ADGRA2: variants seen among roughly 807,000 people sequenced by gnomAD.
ADGRA2 encodes G-protein coupled receptor 124.
Under a neutral mutation model 98.7 loss-of-function variants are expected in ADGRA2, and 61 were observed. The ratio of observed to expected loss-of-function variants is 0.62; its 90% confidence interval spans 0.50 to 0.76. ADGRA2 has a LOEUF of 0.76. Ranked by LOEUF, ADGRA2 falls within the 30% of genes least tolerant of loss-of-function variation. The pLI, the probability that ADGRA2 is intolerant of heterozygous loss-of-function variation, is 0.00. For missense variants in ADGRA2, 1,712 were observed against 1,860.0 expected, an observed-to-expected ratio of 0.92 and a Z score of 1.46; for synonymous variants, 858 against 831.5, an observed-to-expected ratio of 1.03 and a Z score of -0.55.
rs372478146 is a variant in ADGRA2, at chr8:37,839,507, G to A, written c.2396G>A (p.Arg799His). The change falls in exon 16 of 19, where the codon CGT becomes CAT. Residue 799 changes from arginine (R) to histidine (H), a missense_variant. Arg to His is a conservative substitution (Grantham distance 29, BLOSUM62 0). Coordinates refer to ENST00000412232, the MANE Select transcript of ADGRA2 (RefSeq NM_032777.10). ...ITYILNHSSI[R>H]VSRKGWHMLL... ...AGACTGTTTCCGGGCAGCTCCATCC[G>A]TGTGTCCCGGAAAGGCTGGCACATG... The A allele has an allele frequency of 1.7e-5, 28 of 1,613,992 alleles. No homozygotes were observed. The highest frequency in any genetic ancestry group is 5.3e-5 in the African/African-American group (4 of 74,904).
chr8:37,834,350 G>A lies in ADGRA2; in HGVS notation c.1608+222G>A, dbSNP rs777963856. On this transcript the variant is annotated intron_variant, in intron 11 of 18. Transcript: ENST00000412232. The surrounding 1 kb of genome is among the most constrained non-coding windows in gnomAD (Gnocchi z 4.2). ...TCCGTGGTGGGGAACTGAGCCAAAG[G>A]GCCAGCCTGATGGGAATAAGCAGGA... Among the ~76,000 whole-genome samples, 4 of 152,218 alleles carry A rather than the reference G, an allele frequency of 2.6e-5. No homozygotes were observed. Among genetic ancestry groups the A allele is most frequent in the Non-Finnish European group, 5.9e-5 (4 of 68,046 alleles).
chr8:37,807,005 C>G (rs559613826), intron 1 of ADGRA2, among the ~76,000 whole-genome samples: 2 of 152,324 alleles, frequency 1.3e-5, no homozygotes, highest in South Asian at 2.1e-4. Flanking sequence ...CAGGGTGGAG[C>G]AGGACTCACT....
rs1804356195 is a variant in ADGRA2, at chr8:37,797,301, G to C, written c.33G>C (p.Ala11=). ...CCGGGGGACGCAGGATGCGGGGGGC[G>C]CCCGCGCGCCTGCTGCTGCCGCTGC... MGAGGRRMRG[A]PARLLLPLLP... Residue 11 remains alanine (A), a synonymous_variant, in exon 1 of 19, where the codon GCG becomes GCC. Transcript: ENST00000412232. This position sits in a 1 kb window ranked among gnomAD's most constrained non-coding sequence, Gnocchi z 5.3. The C allele has an allele frequency of 7.6e-7, 1 of 1,311,456 alleles. No homozygotes were observed. The highest frequency in any genetic ancestry group is 2.3e-5 in the South Asian group (1 of 44,392). The allele number at this position is 1,311,456 out of a possible 1,614,324, so 81.2% of individuals were successfully genotyped here. A position where few individuals can be genotyped will look rare whatever the true frequency, so the allele number is the denominator to read the frequency against.
chr8:37,829,030 G>GC, intron 3 of ADGRA2, 71 bp downstream of exon 3: 6 of 953,446 alleles, frequency 6.3e-6, no homozygotes, highest in Non-Finnish European at 4.3e-6. Flanking sequence ...CCTGCTCCAT[G>GC]CCCACCCCCT....
rs1272195076 is a variant in ADGRA2 at position 37,837,903 on chromosome 8, G to C, written c.2223G>C (p.Leu741=). The C allele has an allele frequency of 6.8e-7, 1 of 1,471,014 alleles. No individual in the cohort carries two copies. Among genetic ancestry groups the C allele is most frequent in the Admixed American group, 2.6e-5 (1 of 38,038 alleles). The allele number at this position is 1,471,014 out of a possible 1,614,324, so 91.1% of individuals were successfully genotyped here. A position where few individuals can be genotyped will look rare whatever the true frequency, so the allele number is the denominator to read the frequency against. The change falls in exon 14 of 19, where the codon CTG becomes CTC. Residue 741 remains leucine (L), a synonymous_variant. Coordinates refer to ENST00000412232, the MANE Select transcript of ADGRA2 (RefSeq NM_032777.10). ...CCAGCCAGCCCAATGTCAGCGCCCTGCACTGCCAGCACTTGGGCAATGTGG... is the reference window on the plus strand; with the variant it reads ...CCAGCCAGCCCAATGTCAGCGCCCTCCACTGCCAGCACTTGGGCAATGTGG... ...LRSSQPNVSA[L]HCQHLGNVAV...
intron 1 of ADGRA2, among the ~76,000 whole-genome samples, chr8:37,808,199 TC>T (rs1423627643): frequency 6.6e-6 from 1 of 152,134 alleles, no homozygotes; most frequent in Non-Finnish European, 1.5e-5. Flanking sequence ...GGACTGGCCC[TC>T]CTTCCTGTGA....
chr8:37,798,055 C>T (rs1804390400), intron 1 of ADGRA2, among the ~76,000 whole-genome samples: 1 of 152,190 alleles, frequency 6.6e-6, no homozygotes, highest in African/African-American at 2.4e-5. Context: ...CTGCCAGCGC[C>T]GCTTCCAGCC....
chr8:37,800,271 G>A lies in ADGRA2; in HGVS notation c.266+2737G>A, dbSNP rs183469053. On this transcript the variant is annotated intron_variant, in intron 1 of 18. Coordinates refer to ENST00000412232, the MANE Select transcript of ADGRA2 (RefSeq NM_032777.10). ...TCCACAGAGGAGAGATGTATGGACC[G>A]GGAGGTGGGAGGTGGCTGGCAGTTG... is the stretch of plus-strand genomic sequence containing the variant. 1.3e-4 allele frequency among the ~76,000 whole-genome samples: 20 copies of A among 152,312 alleles called. No homozygotes were observed. The East Asian group carries it at 1.5e-3, about 12-fold the overall frequency.
Position 37,814,258 on chromosome 8 carries a change from G to A in ADGRA2, c.267-638G>A, listed in dbSNP as rs753042217. ...GAATAAATAAACAGAACCCCGAGGCGCAGAGGCTGAGGCTGAGGCCTGGCT... is the reference window on the plus strand; with the variant it reads ...GAATAAATAAACAGAACCCCGAGGCACAGAGGCTGAGGCTGAGGCCTGGCT... On this transcript the variant is annotated intron_variant, in intron 1 of 18. Coordinates refer to ENST00000412232, the MANE Select transcript of ADGRA2 (RefSeq NM_032777.10). The surrounding 1 kb of genome is among the most constrained non-coding windows in gnomAD (Gnocchi z 4.3). Among the ~76,000 whole-genome samples, 19 of 152,192 alleles carry A rather than the reference G, an allele frequency of 1.2e-4. No homozygotes were observed. Among genetic ancestry groups the A allele is most frequent in the African/African-American group, 3.9e-4 (16 of 41,438 alleles).
At chr8:37,831,303 A>C (rs1235056128) in intron 7 of ADGRA2, 120 bp from the exon 8 acceptor site, 1 of 879,478 alleles carries the variant, frequency 1.1e-6, no homozygotes, top group African/African-American at 1.7e-5. Flanking sequence ...GCATACTTGC[A>C]TCCCTTGTTT....
chr8:37,833,873 G>A (rs1366887000), intron 10 of ADGRA2, 36 bp downstream of exon 10: 9 of 1,610,524 alleles, frequency 5.6e-6, no homozygotes, highest in African/African-American at 2.7e-5. Flanking sequence ...CTCGGAAAAC[G>A]CCCCCATCCC....
rs1457720469 is a variant in ADGRA2, at chr8:37,837,804, T to C, written c.2124T>C (p.Pro708=). The C allele has an allele frequency of 6.5e-7, 1 of 1,545,358 alleles. No homozygotes were observed. Among genetic ancestry groups the C allele is most frequent in the African/African-American group, 1.4e-5 (1 of 73,186 alleles). The change falls in exon 14 of 19, where the codon CCT becomes CCC. Residue 708 remains proline, a synonymous_variant. Coordinates refer to ENST00000412232, the MANE Select transcript of ADGRA2 (RefSeq NM_032777.10). ...GGCACTGGGCTGAGGGAGCCGAACC[T>C]GTGGCCGCTTGGTGGAGCCAGGAGG... ...SLRHWAEGAE[P]VAAWWSQEGP...
chr8:37,833,651 C>T, intron 9 of ADGRA2, 37 bp from the exon 10 acceptor site: 2 of 1,607,896 alleles, frequency 1.2e-6, no homozygotes, highest in Non-Finnish European at 8.5e-7. Context: ...GCAGAAGGAA[C>T]AGGCGAGATG....
At position 37,812,139 on chromosome 8, in the gene ADGRA2, A is replaced by C. The variant is rs141676433; in HGVS notation, c.267-2757A>C. 9.1e-4 allele frequency among the ~76,000 whole-genome samples: 136 copies of C among 149,628 alleles called. 2 individuals carry two copies. The highest frequency in any genetic ancestry group is 3.4e-3 in the African/African-American group (133 of 39,656). On this transcript the variant is annotated intron_variant, in intron 1 of 18. Coordinates refer to ENST00000412232, the MANE Select transcript of ADGRA2 (RefSeq NM_032777.10). ...AAAAGAAAAGAAAATTTAAAATGACATGCACTTGCAATGGTGTTGTTGTTG... is the reference window on the plus strand; with the variant it reads ...AAAAGAAAAGAAAATTTAAAATGACCTGCACTTGCAATGGTGTTGTTGTTG...
At chr8:37,810,200 C>T (rs1176898798) in intron 1 of ADGRA2, among the ~76,000 whole-genome samples, 1 of 151,722 alleles carries the variant, frequency 6.6e-6, no homozygotes, top group Non-Finnish European at 1.5e-5. Context: ...CACACACACA[C>T]ATATATTTTT....
At chr8:37,839,991 G>A in intron 16 of ADGRA2, 130 bp from the exon 17 acceptor site, 2 of 803,770 alleles carry the variant, frequency 2.5e-6, no homozygotes, top group East Asian at 5.2e-5. Flanking sequence ...TGTATGGGGA[G>A]TGGGCTGGGT....
rs1444024136 is a variant in ADGRA2 at position 37,842,507 on chromosome 8, G to A, written c.*152G>A. The A allele has an allele frequency of 1.6e-6, 2 of 1,274,316 alleles. No individual in the cohort carries two copies. Among genetic ancestry groups the A allele is most frequent in the African/African-American group, 1.6e-5 (1 of 63,520 alleles). The allele number at this position is 1,274,316 out of a possible 1,614,324, so 78.9% of individuals were successfully genotyped here. On this transcript the variant is annotated 3_prime_UTR_variant, in exon 19 of 19. Coordinates refer to ENST00000412232, the MANE Select transcript of ADGRA2 (RefSeq NM_032777.10). ...CAGGCGGATGTTCCCCACTTGCCTA[G>A]AGGGCATCCCTCTGGGGTAGCGACA...
chr8:37,805,050 G>A (rs549918337), intron 1 of ADGRA2, among the ~76,000 whole-genome samples: 2 of 152,326 alleles, frequency 1.3e-5, no homozygotes, highest in Middle Eastern at 3.4e-3. Flanking sequence ...AGGCTGTACC[G>A]TGGAGCCCGG....
intron 18 of ADGRA2, 87 bp from the exon 19 acceptor site, chr8:37,840,999 C>A: frequency 7.4e-7 from 1 of 1,350,660 alleles, no homozygotes; most frequent in Non-Finnish European, 1.0e-6. Flanking sequence ...CCGTACTCAC[C>A]ATATCCTGTC....
Sources: gnomAD v4.1 joint callset for allele counts (sites outside exome capture counted in the v4.1 genomes callset) on GRCh38, gnomAD v4.1.1 for gene constraint, Gnocchi (gnomAD v3.1) non-coding constraint, MANE v1.5 for transcripts, NCBI Gene and HGNC (gene_info 2026-07-23, HGNC 2026-07-21) for gene names.